The following ATP9A variants were observed in gnomAD, a reference collection of about 807,000 sequenced individuals.
ATP9A encodes the protein probable phospholipid-transporting ATPase IIA.
Under a neutral mutation model 144.1 loss-of-function variants are expected in ATP9A, and 52 were observed. That is an observed-to-expected ratio of 0.36 (90% CI 0.29 to 0.45). The LOEUF (loss-of-function observed/expected upper bound fraction) is 0.45, where lower values mean the gene tolerates loss of function less well. ATP9A is among the 20% of genes least tolerant of loss of function. The probability of loss-of-function intolerance (pLI) is 1.00; values close to 1 mark genes in which losing one functional copy is unlikely to be tolerated. For missense variants in ATP9A, 947 were observed against 1,392.7 expected, an observed-to-expected ratio of 0.68 and a Z score of 5.09; for synonymous variants, 582 against 557.4, an observed-to-expected ratio of 1.04 and a Z score of -0.62.
In ATP9A at chr20:51,733,099, G is replaced by C. The variant is rs8118285; in HGVS notation, c.69-3121C>G. Among the ~76,000 whole-genome samples, 1,426 of 152,144 alleles carry C rather than the reference G, an allele frequency of 9.4e-3. 17 individuals are homozygous for C. The highest frequency in any genetic ancestry group is 0.032 in the African/African-American group (1,341 of 41,500). ...TGTTTTGTTTTAGCAGAAGTTTCCA[G>C]ACATCAAGCTATCCGGTTACAGTTA... On this transcript the variant is annotated intron_variant, in intron 1 of 27. Transcript: ENST00000338821.
intron 1 of ATP9A, among the ~76,000 whole-genome samples, chr20:51,756,916 G>T (rs2077858862): frequency 6.7e-6 from 1 of 149,288 alleles, no homozygotes; most frequent in African/African-American, 2.5e-5. Context: ...TTTCGGTTTT[G>T]TTTTTTTTTT....
chr20:51,613,560 A>C, intron 23 of ATP9A, 117 bp downstream of exon 23: 1 of 1,188,166 alleles, frequency 8.4e-7, no homozygotes, highest in East Asian at 2.7e-5. Flanking sequence ...TCTAATTCCC[A>C]GGCTTTTTCC....
intron 24 of ATP9A, among the ~76,000 whole-genome samples, 187 bp downstream of exon 24, chr20:51,609,914 G>A (rs953751255): frequency 6.6e-6 from 1 of 152,168 alleles, no homozygotes; most frequent in African/African-American, 2.4e-5. Flanking sequence ...CTGGTTAAGG[G>A]CTTAACAGCT....
chr20:51,604,811 T>G lies in ATP9A; in HGVS notation c.3007+6A>C. ...CGGACGGGGTTTAAGCATTCAGGGG[T>G]CTTACCGATGAACTCGTGTAAGAAC... On this transcript the variant is annotated splice_donor_region_variant and intron_variant, in intron 27 of 27. Coordinates refer to ENST00000338821, the MANE Select transcript of ATP9A (RefSeq NM_006045.3). 1 of 1,483,718 alleles carries G rather than the reference T, an allele frequency of 6.7e-7. No homozygotes were observed. Among genetic ancestry groups the G allele is most frequent in the Non-Finnish European group, 9.0e-7 (1 of 1,109,948 alleles). 91.9% of individuals were successfully genotyped at this position (1,483,718 alleles called of 1,614,324 possible). A position where few individuals can be genotyped will look rare whatever the true frequency, so the allele number is the denominator to read the frequency against.
At chr20:51,765,833 T>G (rs755039216) in intron 1 of ATP9A, among the ~76,000 whole-genome samples, 1 of 152,128 alleles carries the variant, frequency 6.6e-6, no homozygotes, top group South Asian at 2.1e-4. Context: ...AGTGGGCACC[T>G]GTAATCCCAG....
intron 6 of ATP9A, among the ~76,000 whole-genome samples, chr20:51,695,069 C>T (rs190270246): frequency 1.3e-3 from 204 of 152,166 alleles, no homozygotes; most frequent in African/African-American, 4.6e-3. Context: ...TAATGAAATA[C>T]GTTGCAGCAT....
Position 51,608,608 on chromosome 20 carries a change from G to A in ATP9A, c.2655C>T (p.Thr885=). 1 of 1,612,444 alleles carries A rather than the reference G, an allele frequency of 6.2e-7. No homozygotes were observed. Among genetic ancestry groups the A allele is most frequent in the Non-Finnish European group, 8.5e-7 (1 of 1,178,408 alleles). ...GGACCAGAGAAAACACAGGAAACAT[G>A]GTGTAAATTGTGGAGTACCTGGGAG... The part of the protein sequence containing the change: ...FLIIGYSTIY[T]MFPVFSLVLD... Residue 885 remains threonine, a synonymous_variant, in exon 25 of 28, where the codon ACC becomes ACT. Transcript: ENST00000338821.
intron 6 of ATP9A, among the ~76,000 whole-genome samples, chr20:51,694,615 T>C (rs1206987797): frequency 1.3e-5 from 2 of 152,152 alleles, no homozygotes; most frequent in Non-Finnish European, 2.9e-5. Context: ...GCACTGACCC[T>C]GTAGAGATGT....
intron 18 of ATP9A, 88 bp from the exon 19 acceptor site, chr20:51,622,260 G>A: frequency 9.5e-7 from 1 of 1,056,344 alleles, no homozygotes; most frequent in Non-Finnish European, 1.5e-6. Flanking sequence ...ACAACATGGA[G>A]CTGAACTTGG....
intron 12 of ATP9A, among the ~76,000 whole-genome samples, 153 bp downstream of exon 12, chr20:51,670,962 A>G (rs1259677675): frequency 6.6e-6 from 1 of 152,140 alleles, no homozygotes; most frequent in Non-Finnish European, 1.5e-5. Flanking sequence ...CATCATCTTC[A>G]TCACCAAAGA....
At position 51,653,617 on chromosome 20, in the gene ATP9A, T is replaced by C. The variant is rs376895293; in HGVS notation, c.1506+3321A>G. Among the ~76,000 whole-genome samples the C allele has an allele frequency of 5.9e-5, 9 of 152,146 alleles. No homozygotes were observed. The East Asian group carries it at 1.7e-3, about 29-fold the overall frequency. On this transcript the variant is annotated intron_variant, in intron 14 of 27. Coordinates refer to ENST00000338821, the MANE Select transcript of ATP9A (RefSeq NM_006045.3). ...CCTGGCTAACATGGGGAAAACCCTGTCTCTACTAAAAATACAAAAATTTGC... is the reference window on the plus strand; with the variant it reads ...CCTGGCTAACATGGGGAAAACCCTGCCTCTACTAAAAATACAAAAATTTGC...
At chr20:51,712,235 G>A (rs2077642455) in intron 4 of ATP9A, among the ~76,000 whole-genome samples, 1 of 152,004 alleles carries the variant, frequency 6.6e-6, no homozygotes. Context: ...ACCATGCCCG[G>A]CTAATTTTTT....
At position 51,768,354 on chromosome 20, in the gene ATP9A, G is replaced by T; in HGVS notation, c.16C>A (p.Pro6Thr). 1 of 1,294,096 alleles carries T rather than the reference G, an allele frequency of 7.7e-7. No homozygotes were observed. 80.2% of individuals were successfully genotyped at this position (1,294,096 alleles called of 1,614,324 possible). Residue 6 changes from proline (P) to threonine (T), a missense_variant, in exon 1 of 28, where the codon CCG becomes ACG. By Grantham distance (38) the Pro-to-Thr change is conservative. Transcript: ENST00000338821. ...TTCTTCTGGCGCACCGGCTGCAGCG[G>T]GATGTTGTCCGTCATGTCGGCGGCG... MTDNI[P>T]LQPVRQKKRM...
At chr20:51,666,679 TA>T (rs11308492) in intron 13 of ATP9A, among the ~76,000 whole-genome samples, 54,380 of 135,078 alleles carry the variant, frequency 0.4, 11,367 homozygotes, top group African/African-American at 0.56. Context: ...GACTGTGTCT[TA>T]AAAAAAAAAA....
chr20:51,610,049 G>T, intron 24 of ATP9A, 52 bp downstream of exon 24: 3 of 1,474,736 alleles, frequency 2.0e-6, no homozygotes, highest in African/African-American at 1.4e-5. Context: ...CTCTGTTGCA[G>T]CATTTGAAGA....
At chr20:51,694,152 T>G in intron 6 of ATP9A, 50 bp from the exon 7 acceptor site, 2 of 1,506,236 alleles carry the variant, frequency 1.3e-6, no homozygotes. Flanking sequence ...CACCCTTCCC[T>G]TGGCAGCTCT....
chr20:51,657,071 T>C lies in ATP9A; in HGVS notation c.1373A>G (p.Glu458Gly). 1 of 1,614,186 alleles carries C rather than the reference T, an allele frequency of 6.2e-7. No individual in the cohort carries two copies. Among genetic ancestry groups the C allele is most frequent in the Non-Finnish European group, 8.5e-7 (1 of 1,180,034 alleles). ...GCAGAGCGCGATGGCCTTCACGGCT[T>C]CGTGCACGCGGCTGCTCATGGTCCG... ...VRRTMSSRVH[E>G]AVKAIALCHN... The change falls in exon 14 of 28, where the codon GAA (glutamate) becomes GGA (glycine). Residue 458 changes from glutamate (E) to glycine (G), a missense_variant. Glu to Gly is a moderately conservative substitution (Grantham distance 98). Around this residue, in one of 2 missense-constraint regions of ATP9A, gnomAD observed 770 missense variants for 1,047.9 expected, o/e 0.73. Transcript: ENST00000338821.
At chr20:51,610,822 G>A (rs556431443) in intron 23 of ATP9A, among the ~76,000 whole-genome samples, 33 of 152,324 alleles carry the variant, frequency 2.2e-4, no homozygotes, top group Admixed American at 9.1e-4. Context: ...TATATTACAT[G>A]TTTCGGTATT....
chr20:51,639,274 A>G, intron 15 of ATP9A, 69 bp downstream of exon 15: 1 of 1,472,806 alleles, frequency 6.8e-7, no homozygotes, highest in Admixed American at 2.0e-5. Context: ...AAGAATGTCA[A>G]CCCACAGGGA....
Sources: gnomAD v4.1 joint callset for allele counts (sites outside exome capture counted in the v4.1 genomes callset) on GRCh38, gnomAD v4.1.1 for gene constraint, gnomAD v4.1.1 regional missense constraint, MANE v1.5 for transcripts, NCBI Gene and HGNC (gene_info 2026-07-23, HGNC 2026-07-21) for gene names.